Variants in CTNND2 observed in about 807,000 individuals in gnomAD.
The protein encoded by CTNND2 is catenin delta-2.
CTNND2 carries 22 observed loss-of-function variants against 144.4 expected under a neutral mutation model. The observed-to-expected ratio is 0.15, with a 90% confidence interval of 0.11 to 0.22. The LOEUF (loss-of-function observed/expected upper bound fraction) is 0.22. Ranked by LOEUF, CTNND2 falls within the 10% of genes least tolerant of loss-of-function variation. CTNND2 has a pLI of 1.00. For synonymous variants in CTNND2, 751 were observed against 695.6 expected (o/e 1.08, Z -1.25); for missense variants, 1,353 against 1,618.8 (o/e 0.84, Z 2.82).
chr5:11,427,077 T>C (rs1762841130), intron 3 of CTNND2, among the ~76,000 whole-genome samples: 1 of 152,164 alleles, frequency 6.6e-6, no homozygotes, highest in Non-Finnish European at 1.5e-5. Context: ...ATATTTGCAT[T>C]TGAATCTGCA....
intron 2 of CTNND2, among the ~76,000 whole-genome samples, chr5:11,570,448 T>C (rs1388980476): frequency 6.6e-6 from 1 of 152,150 alleles, no homozygotes; most frequent in Non-Finnish European, 1.5e-5. Flanking sequence ...TTCTGACACT[T>C]TGCACATCTT....
intron 11 of CTNND2, among the ~76,000 whole-genome samples, chr5:11,168,334 G>T (rs964551337): frequency 9.9e-5 from 15 of 152,150 alleles, no homozygotes; most frequent in African/African-American, 3.6e-4. Flanking sequence ...GAAGTAGAAA[G>T]CTCTTCACAC....
rs1742408580 is a variant in CTNND2, at chr5:11,022,790, A to G, written c.2978T>C (p.Ile993Thr). ...TTACTTATCTCCTTTGCTTTTGGAGATGCCGACCAACTTCTCGATGCCACC... is the reference window on the plus strand; with the variant it reads ...TTACTTATCTCCTTTGCTTTTGGAGGTGCCGACCAACTTCTCGATGCCACC... ...DAGGIEKLVG[I>T]SKSKGDKHSP... is the part of the protein sequence containing the mutation. The change falls in exon 17 of 22, where the codon ATC becomes ACC. Residue 993 changes from isoleucine to threonine, a missense_variant. Around this residue, in one of 4 missense-constraint regions of CTNND2, gnomAD observed 459 missense variants for 674.3 expected, o/e 0.68. Transcript: ENST00000304623. 1.9e-6 allele frequency: 3 copies of G among 1,613,954 alleles called. No homozygotes were observed. Among genetic ancestry groups the G allele is most frequent in the African/African-American group, 2.7e-5 (2 of 74,920 alleles).
rs143497749 is a variant in CTNND2, at chr5:11,364,836, C to T, written c.1232G>A (p.Arg411Gln). 8.7e-6 allele frequency: 14 copies of T among 1,613,470 alleles called. No individual in the cohort carries two copies. The highest frequency in any genetic ancestry group is 2.7e-5 in the African/African-American group (2 of 74,854). The change falls in exon 8 of 22, where the codon CGG becomes CAG. Residue 411 changes from arginine to glutamine, a missense_variant. By Grantham distance (43) the Arg-to-Gln change is conservative. Coordinates refer to ENST00000304623, the MANE Select transcript of CTNND2 (RefSeq NM_001332.4). The stretch of plus-strand genomic sequence containing the variant: ...GTGGTGTTCTGGGGACTGCAGGGCC[C>T]GCAACTCTGGGCCCAGGTGCCCATG... ...SQHGHLGPEL[R>Q]ALQSPEHHID...
At chr5:11,807,973 T>TC (rs1174143640) in intron 1 of CTNND2, among the ~76,000 whole-genome samples, 2 of 152,284 alleles carry the variant, frequency 1.3e-5, no homozygotes, top group African/African-American at 4.8e-5. Context: ...GGAAATATAG[T>TC]CTATCAGTAA....
intron 1 of CTNND2, among the ~76,000 whole-genome samples, chr5:11,896,372 A>G (rs148519412): frequency 1.2e-3 from 189 of 152,302 alleles, no homozygotes; most frequent in African/African-American, 4.4e-3. Flanking sequence ...GCAACCATGC[A>G]TGAATTTTAA....
At chr5:11,325,423 T>C (rs1010139009) in intron 9 of CTNND2, among the ~76,000 whole-genome samples, 35 of 151,340 alleles carry the variant, frequency 2.3e-4, no homozygotes, top group African/African-American at 8.1e-4. Context: ...AATTATAATA[T>C]ACAATTATTA....
intron 9 of CTNND2, among the ~76,000 whole-genome samples, chr5:11,302,979 G>T (rs1749772007): frequency 6.6e-6 from 1 of 152,154 alleles, no homozygotes; most frequent in African/African-American, 2.4e-5. Flanking sequence ...CACAGGCATA[G>T]CCAGACTTTG....
At chr5:11,578,245 C>T (rs191721247) in intron 2 of CTNND2, among the ~76,000 whole-genome samples, 42 of 152,190 alleles carry the variant, frequency 2.8e-4, no homozygotes, top group South Asian at 1.2e-3. Context: ...AAAATTGTAC[C>T]CTAACGTAAT....
intron 3 of CTNND2, among the ~76,000 whole-genome samples, chr5:11,547,972 C>A (rs1315771818): frequency 6.6e-6 from 1 of 152,094 alleles, no homozygotes; most frequent in East Asian, 1.9e-4. Flanking sequence ...AGAAGAAAAC[C>A]CTGCAGACTC....
At chr5:11,212,598 G>A (rs181159921) in intron 10 of CTNND2, among the ~76,000 whole-genome samples, 33 of 152,330 alleles carry the variant, frequency 2.2e-4, no homozygotes, top group Admixed American at 9.8e-4. Context: ...GAGACTTTAC[G>A]AAGTAGAACA....
At chr5:11,405,768 G>C (rs527616946) in intron 5 of CTNND2, among the ~76,000 whole-genome samples, 8 of 151,816 alleles carry the variant, frequency 5.3e-5, no homozygotes, top group South Asian at 2.1e-4. Context: ...TCATATACCC[G>C]AGGTAGGGGG....
intron 2 of CTNND2, among the ~76,000 whole-genome samples, chr5:11,713,682 A>AGG (rs1786171836): frequency 6.6e-6 from 1 of 152,068 alleles, no homozygotes; most frequent in Non-Finnish European, 1.5e-5. Flanking sequence ...CTTCTGCAAC[A>AGG]ACCTGGATAT....
At chr5:11,566,885 A>T (rs988843436) in intron 2 of CTNND2, among the ~76,000 whole-genome samples, 1 of 152,154 alleles carries the variant, frequency 6.6e-6, no homozygotes, top group Non-Finnish European at 1.5e-5. Context: ...AAGACTCTTC[A>T]TCCATTCATG....
chr5:10,984,822 C>T (rs1737733360), intron 20 of CTNND2, among the ~76,000 whole-genome samples: 1 of 152,126 alleles, frequency 6.6e-6, no homozygotes, highest in South Asian at 2.1e-4. Context: ...GCCTGTAATC[C>T]CAGCAGTTTG....
rs11953133 is a variant in CTNND2 at position 11,103,961 on chromosome 5, T to G, written c.2464-5213A>C. On this transcript the variant is annotated intron_variant, in intron 14 of 21. Coordinates refer to ENST00000304623, the MANE Select transcript of CTNND2 (RefSeq NM_001332.4). ...GCAGTCAGGGAGTATGGAGAAGGAT[T>G]TCCATTTCAGGAGAAGTGCTAAAAT... 2.6e-3 allele frequency among the ~76,000 whole-genome samples: 403 copies of G among 152,268 alleles called. 3 individuals are homozygous for G. The highest frequency in any genetic ancestry group is 8.9e-3 in the African/African-American group (370 of 41,560).
intron 15 of CTNND2, among the ~76,000 whole-genome samples, chr5:11,091,675 G>A (rs545302473): frequency 1.3e-5 from 2 of 152,162 alleles, no homozygotes; most frequent in South Asian, 4.1e-4. Context: ...CTAGAGCATG[G>A]TTAGTCCAGG....
intron 2 of CTNND2, among the ~76,000 whole-genome samples, chr5:11,632,607 A>C (rs1038177447): frequency 6.6e-6 from 1 of 152,140 alleles, no homozygotes; most frequent in Admixed American, 6.6e-5. Flanking sequence ...ATATAAAGGA[A>C]AAACAACAAC....
intron 9 of CTNND2, among the ~76,000 whole-genome samples, chr5:11,307,253 G>C (rs1470213632): frequency 6.6e-6 from 1 of 151,902 alleles, no homozygotes; most frequent in Non-Finnish European, 1.5e-5. Flanking sequence ...ATCAAGTGAG[G>C]GTAGATCAGG....
Sources: allele counts gnomAD v4.1 joint callset (sites outside exome capture counted in the v4.1 genomes callset), GRCh38; gene constraint gnomAD v4.1.1; regional missense constraint gnomAD v4.1.1; transcripts MANE v1.5; gene names NCBI Gene and HGNC (gene_info 2026-07-23, HGNC 2026-07-21).